The following IPO13 variants were observed in gnomAD, a reference collection of about 807,000 sequenced individuals.
IPO13 encodes the protein importin 13, also known as importin-13.
IPO13 carries 28 observed loss-of-function variants against 115.5 expected under a neutral mutation model. That is an observed-to-expected ratio of 0.24 (90% CI 0.18 to 0.33). IPO13 has a LOEUF of 0.33. IPO13 is among the 10% of genes least tolerant of loss of function. The probability of loss-of-function intolerance (pLI) is 1.00; values close to 1 mark genes in which losing one functional copy is unlikely to be tolerated. For missense variants in IPO13, 785 were observed against 1,204.6 expected (o/e 0.65, Z 5.16); for synonymous variants, 414 against 478.9 (o/e 0.86, Z 1.77).
chr1:43,961,360 CCCT>C, intron 14 of IPO13, 98 bp downstream of exon 14: 2 of 949,520 alleles, frequency 2.1e-6, no homozygotes, highest in Non-Finnish European at 3.5e-6. Flanking sequence ...CTTCTCTGTC[CCCT>C]GAGTCACACG....
intron 14 of IPO13, 101 bp from the exon 15 acceptor site, chr1:43,964,168 C>T: frequency 1.3e-6 from 1 of 763,904 alleles, no homozygotes; most frequent in Non-Finnish European, 2.3e-6. Flanking sequence ...TCATGTGCCC[C>T]CACGCTGTCT....
intron 14 of IPO13, among the ~76,000 whole-genome samples, chr1:43,963,804 A>G (rs1403489982): frequency 6.6e-6 from 1 of 152,120 alleles, no homozygotes; most frequent in Admixed American, 6.5e-5. Context: ...CCCTCAGATA[A>G]ACCTCAAAAG....
Position 43,967,670 on chromosome 1 carries a change from A to G in IPO13, c.2880A>G (p.Thr960=). Residue 960 remains threonine (T), a synonymous_variant, in exon 20 of 20, where the codon ACA becomes ACG. Transcript: ENST00000372343. The surrounding 1 kb of genome is among the most constrained non-coding windows in gnomAD (Gnocchi z 6.1). ...LCRGLHGTDY[T]ADY ...GGGGTCTCCATGGCACAGATTACAC[A>G]GCTGACTACTGAGGGGTGCCCCCAT... The G allele has an allele frequency of 1.2e-6, 2 of 1,614,124 alleles. No individual in the cohort carries two copies.
At chr1:43,960,408 C>G (rs939332483) in intron 12 of IPO13, 79 bp downstream of exon 12, 8 of 1,269,730 alleles carry the variant, frequency 6.3e-6, no homozygotes. Context: ...TGCCACACTT[C>G]AGCTTACAAT....
At position 43,956,507 on chromosome 1, in the gene IPO13, A is replaced by C. The variant is rs748578520; in HGVS notation, c.962+47A>C. On this transcript the variant is annotated intron_variant, in intron 3 of 19. Transcript: ENST00000372343. The surrounding 1 kb of genome is among the most constrained non-coding windows in gnomAD (Gnocchi z 4.7). ...GGTGGGATAGTAGGGCCCTCTAAGA[A>C]ATGGGGTTCTGGAAGTCCCTGGAAA... The C allele has an allele frequency of 2.4e-5, 39 of 1,613,832 alleles. No homozygotes were observed. The highest frequency in any genetic ancestry group is 1.6e-4 in the Middle Eastern group (1 of 6,084).
At chr1:43,954,361 GA>G (rs2085230030) in intron 2 of IPO13, among the ~76,000 whole-genome samples, 1 of 152,304 alleles carries the variant, frequency 6.6e-6, no homozygotes, top group East Asian at 1.9e-4. Context: ...CCAGAATGGG[GA>G]TGTGGAGAAG....
chr1:43,967,735 G>A lies in IPO13; in HGVS notation c.*53G>A, dbSNP rs569849409. The A allele has an allele frequency of 1.3e-6, 2 of 1,517,012 alleles. No individual in the cohort carries two copies. Among genetic ancestry groups the A allele is most frequent in the Non-Finnish European group, 1.8e-6 (2 of 1,094,936 alleles). The allele number at this position is 1,517,012 out of a possible 1,614,324, so 94.0% of individuals were successfully genotyped here. A position where few individuals can be genotyped will look rare whatever the true frequency, so the allele number is the denominator to read the frequency against. On this transcript the variant is annotated 3_prime_UTR_variant, in exon 20 of 20. Coordinates refer to ENST00000372343, the MANE Select transcript of IPO13 (RefSeq NM_014652.4). The surrounding 1 kb of genome is among the most constrained non-coding windows in gnomAD (Gnocchi z 6.1). The stretch of plus-strand genomic sequence containing the variant: ...CTCTTCATCCTTCCCTATTCCCAAA[G>A]AGTAAACCTGGACCCTCACTGCTGT...
chr1:43,960,818 A>G, intron 12 of IPO13, 58 bp from the exon 13 acceptor site: 1 of 1,602,698 alleles, frequency 6.2e-7, no homozygotes, highest in Non-Finnish European at 8.5e-7. Context: ...GCAGGGCTTC[A>G]GCGCTGTTCC....
At position 43,966,355 on chromosome 1, in the gene IPO13, C is replaced by T. The variant is rs779427836; in HGVS notation, c.2398-220C>T. 41 of 600,952 alleles carry T rather than the reference C, an allele frequency of 6.8e-5. No individual in the cohort carries two copies. The highest frequency in any genetic ancestry group is 1.2e-4 in the South Asian group (6 of 51,600). The allele number at this position is 600,952 out of a possible 1,614,324, so 37.2% of individuals were successfully genotyped here. A position where few individuals can be genotyped will look rare whatever the true frequency, so the allele number is the denominator to read the frequency against. On this transcript the variant is annotated intron_variant, in intron 15 of 19. Coordinates refer to ENST00000372343, the MANE Select transcript of IPO13 (RefSeq NM_014652.4). The surrounding 1 kb of genome is among the most constrained non-coding windows in gnomAD (Gnocchi z 4.1). ...CCCCAACCTCTCTCACGTACACCTGCGTGTTCATGTACACATACATGTACA... is the reference window on the plus strand; with the variant it reads ...CCCCAACCTCTCTCACGTACACCTGTGTGTTCATGTACACATACATGTACA...
Position 43,962,426 on chromosome 1 carries a change from TA to T in IPO13, c.2344+1169del, listed in dbSNP as rs1376417195. ...CTGCACACTGCAGCTATAATCTTCA[TA>T]AAAACACAAATCTGAGCATTTGTCA... On this transcript the variant is annotated intron_variant, in intron 14 of 19. Transcript: ENST00000372343. Among the ~76,000 whole-genome samples the T allele has an allele frequency of 9.8e-5, 15 of 152,326 alleles. No individual in the cohort carries two copies. The East Asian group carries it at 2.9e-3, about 29-fold the overall frequency.
At chr1:43,964,153 G>T (rs1230558600) in intron 14 of IPO13, 116 bp from the exon 15 acceptor site, 7 of 693,968 alleles carry the variant, frequency 1.0e-5, no homozygotes, top group Admixed American at 2.6e-5. Context: ...CTTGCTTCCT[G>T]CTGCTCATGT....
chr1:43,951,603 T>C (rs1317021412), intron 2 of IPO13, among the ~76,000 whole-genome samples: 1 of 152,160 alleles, frequency 6.6e-6, no homozygotes, highest in Non-Finnish European at 1.5e-5. Context: ...AAGATTTTGA[T>C]CTTCATCCTG....
At position 43,961,231 on chromosome 1, in the gene IPO13, C is replaced by T. The variant is rs2085288179; in HGVS notation, c.2313C>T (p.Val771=). The T allele has an allele frequency of 1.9e-6, 3 of 1,614,010 alleles. No individual in the cohort carries two copies. Residue 771 remains valine, a synonymous_variant, in exon 14 of 20, where the codon GTC becomes GTT. Coordinates refer to ENST00000372343, the MANE Select transcript of IPO13 (RefSeq NM_014652.4). Reference sequence around the variant, plus strand: ...CAATTGAGGCCCTCTTCCTGCTCGTCACCTCCGTCACACTCACTCTCTTCC... The same window carrying T: ...CAATTGAGGCCCTCTTCCTGCTCGTTACCTCCGTCACACTCACTCTCTTCC... ...FPPIEALFLL[V]TSVTLTLFQQ... is the part of the protein sequence containing the mutation.
In IPO13 at chr1:43,967,564, T is replaced by A; in HGVS notation, c.2796-22T>A. ...GCAGTGGTGGTGGCTGGTGCTAACCTGCTCTCCCTTTTCTCCTTCAGCGAG... is the reference window on the plus strand; with the variant it reads ...GCAGTGGTGGTGGCTGGTGCTAACCAGCTCTCCCTTTTCTCCTTCAGCGAG... On this transcript the variant is annotated intron_variant, in intron 19 of 19. Transcript: ENST00000372343. The surrounding 1 kb of genome is among the most constrained non-coding windows in gnomAD (Gnocchi z 6.1). The A allele has an allele frequency of 6.2e-7, 1 of 1,614,148 alleles. No individual in the cohort carries two copies. The highest frequency in any genetic ancestry group is 8.5e-7 in the Non-Finnish European group (1 of 1,179,972).
At chr1:43,957,089 G>A in intron 5 of IPO13, 106 bp from the exon 6 acceptor site, 3 of 1,562,932 alleles carry the variant, frequency 1.9e-6, no homozygotes, top group Non-Finnish European at 2.6e-6. Context: ...CTGTTTTCTA[G>A]GTATTGTTGC....
chr1:43,966,263 A>G lies in IPO13; in HGVS notation c.2398-312A>G. 2.1e-6 allele frequency: 1 copy of G among 487,716 alleles called. No homozygotes were observed. Among genetic ancestry groups the G allele is most frequent in the Non-Finnish European group, 3.8e-6 (1 of 265,768 alleles). 30.2% of individuals were successfully genotyped at this position (487,716 alleles called of 1,614,324 possible). A position where few individuals can be genotyped will look rare whatever the true frequency, so the allele number is the denominator to read the frequency against. On this transcript the variant is annotated intron_variant, in intron 15 of 19. Transcript: ENST00000372343. This position sits in a 1 kb window ranked among gnomAD's most constrained non-coding sequence, Gnocchi z 4.1. ...GCTGGCAACCTAGAGCCTGCGAGAC[A>G]TCTGGCCCTGATGGAGGGGGAGGGA...
chr1:43,963,613 G>C (rs1026626397), intron 14 of IPO13, among the ~76,000 whole-genome samples: 1 of 152,180 alleles, frequency 6.6e-6, no homozygotes, highest in African/African-American at 2.4e-5. Context: ...TTCCTCCTCT[G>C]GGCCCTGCCA....
At chr1:43,950,962 T>G (rs913796296) in intron 2 of IPO13, among the ~76,000 whole-genome samples, 5 of 152,202 alleles carry the variant, frequency 3.3e-5, no homozygotes, top group Non-Finnish European at 5.9e-5. Flanking sequence ...CATTTTACTT[T>G]GTCGCATTGT....
intron 2 of IPO13, among the ~76,000 whole-genome samples, chr1:43,955,290 A>T (rs561946510): frequency 6.7e-6 from 1 of 150,334 alleles, no homozygotes; most frequent in East Asian, 1.9e-4. Context: ...ATCAGGGCTT[A>T]TGAGCCTGTG....
Sources: allele counts gnomAD v4.1 joint callset (sites outside exome capture counted in the v4.1 genomes callset), GRCh38; gene constraint gnomAD v4.1.1; non-coding constraint Gnocchi (gnomAD v3.1); transcripts MANE v1.5; gene names NCBI Gene and HGNC (gene_info 2026-07-23, HGNC 2026-07-21).